SCLT1: variants seen among roughly 807,000 people sequenced by gnomAD.
SCLT1 encodes the protein sodium channel-associated protein 1.
Under a neutral mutation model 112.8 loss-of-function variants are expected in SCLT1, and 78 were observed. That is an observed-to-expected ratio of 0.69 (90% CI 0.58 to 0.83). SCLT1 has a LOEUF of 0.83. Among genes scored for constraint, SCLT1 ranks in the 40% least tolerant of loss-of-function variants. SCLT1 has a pLI of 0.00. For missense variants in SCLT1, 747 were observed against 770.4 expected, an observed-to-expected ratio of 0.97 and a Z score of 0.36; for synonymous variants, 257 against 254.7, an observed-to-expected ratio of 1.01 and a Z score of -0.09.
intron 18 of SCLT1, among the ~76,000 whole-genome samples, chr4:128,921,741 G>A (rs1444063020): frequency 6.6e-6 from 1 of 152,136 alleles, no homozygotes; most frequent in Non-Finnish European, 1.5e-5. Flanking sequence ...CCCTGGCAAA[G>A]ATTTTATGAT....
rs1347455602 is a variant in SCLT1, at chr4:128,998,284, T to C, written c.550-345A>G. ...TAAATGCTAGAGAGACCTTGTCCAATATTGGAACGTCACTTTCAAACCTAC... is the reference window on the plus strand; with the variant it reads ...TAAATGCTAGAGAGACCTTGTCCAACATTGGAACGTCACTTTCAAACCTAC... On this transcript the variant is annotated intron_variant, in intron 7 of 20. Coordinates refer to ENST00000281142, the MANE Select transcript of SCLT1 (RefSeq NM_144643.4). 4.0e-5 allele frequency among the ~76,000 whole-genome samples: 6 copies of C among 151,840 alleles called. No individual in the cohort carries two copies. In the East Asian group the frequency reaches 7.7e-4, roughly 19 times the overall value.
intron 4 of SCLT1, chr4:129,040,180 G>A (rs1747577614): frequency 5.7e-6 from 4 of 702,502 alleles, no homozygotes; most frequent in Non-Finnish European, 7.8e-6. Flanking sequence ...AATTTGGTTT[G>A]AAAGGTGAAC....
At chr4:129,053,983 T>C (rs1239597198) in intron 2 of SCLT1, among the ~76,000 whole-genome samples, 1 of 152,170 alleles carries the variant, frequency 6.6e-6, no homozygotes, top group Non-Finnish European at 1.5e-5. Context: ...TCCTTGTCTG[T>C]AACGGGTTTT....
At chr4:128,891,218 T>C in intron 18 of SCLT1, 81 bp from the exon 19 acceptor site, 1 of 1,022,570 alleles carries the variant, frequency 9.8e-7, no homozygotes, top group Non-Finnish European at 1.5e-6. Flanking sequence ...TACATGTTCA[T>C]GATTTGAACA....
At chr4:129,048,321 A>G (rs564491936) in intron 2 of SCLT1, among the ~76,000 whole-genome samples, 14 of 152,068 alleles carry the variant, frequency 9.2e-5, no homozygotes, top group Middle Eastern at 3.4e-3. Context: ...CAGAAATAAC[A>G]CCACATATCT....
chr4:128,996,937 A>C (rs965069525), intron 8 of SCLT1, among the ~76,000 whole-genome samples: 1 of 152,040 alleles, frequency 6.6e-6, no homozygotes, highest in African/African-American at 2.4e-5. Flanking sequence ...TTGAAGAAGT[A>C]ATGAATAATT....
At chr4:128,883,561 T>C (rs576463137), downstream of SCLT1, among the ~76,000 whole-genome samples, 2 of 152,042 alleles carry the variant, frequency 1.3e-5, no homozygotes, top group Non-Finnish European at 2.9e-5. Flanking sequence ...ATGATAATAA[T>C]AATAAAAAAA....
At chr4:129,038,934 G>T (rs894995724) in intron 5 of SCLT1, 107 bp downstream of exon 5, 3 of 730,970 alleles carry the variant, frequency 4.1e-6, no homozygotes, top group Admixed American at 2.4e-5. Flanking sequence ...CAGCCCCGGG[G>T]TCCACATTCT....
At chr4:128,961,841 G>A (rs190791349) in intron 11 of SCLT1, among the ~76,000 whole-genome samples, 136 of 152,330 alleles carry the variant, frequency 8.9e-4, no homozygotes, top group African/African-American at 3.2e-3. Flanking sequence ...TCATATGAGG[G>A]CAGAGTTATG....
chr4:128,921,257 T>A (rs970254772), intron 18 of SCLT1, among the ~76,000 whole-genome samples: 1 of 152,164 alleles, frequency 6.6e-6, no homozygotes, highest in Non-Finnish European at 1.5e-5. Flanking sequence ...GTGCTATTCC[T>A]ATCAAACTAC....
At chr4:128,937,182 G>C (rs781572363) in intron 17 of SCLT1, among the ~76,000 whole-genome samples, 1 of 151,918 alleles carries the variant, frequency 6.6e-6, no homozygotes, top group Non-Finnish European at 1.5e-5. Flanking sequence ...GGAGGCCGAG[G>C]CAGGTGAATC....
At chr4:128,907,631 A>G (rs2125942364) in intron 18 of SCLT1, among the ~76,000 whole-genome samples, 1 of 152,296 alleles carries the variant, frequency 6.6e-6, no homozygotes, top group South Asian at 2.1e-4. Flanking sequence ...CTCAGTAGAG[A>G]GTTGGAAATA....
Position 128,957,069 on chromosome 4 carries a change from A to G in SCLT1, c.1103T>C (p.Val368Ala), listed in dbSNP as rs1739279330. ...GGTAGCATCTTGTACAAACCGAGAA[A>G]CTGTCTCTTTCATTTTCTCTATGTC... ...EEDIEKMKET[V>A]SRFVQDATIR... Residue 368 changes from valine to alanine, a missense_variant, in exon 13 of 21, where the codon GTT becomes GCT. By Grantham distance (64) the Val-to-Ala change is moderately conservative. This residue lies in a region of SCLT1 where 723 missense variants were observed against 721.3 expected (regional missense o/e 1.00). Transcript: ENST00000281142. 1 of 1,602,418 alleles carries G rather than the reference A, an allele frequency of 6.2e-7. No homozygotes were observed. Among genetic ancestry groups the G allele is most frequent in the East Asian group, 2.3e-5 (1 of 44,408 alleles).
Position 128,987,171 on chromosome 4 carries a change from C to T in SCLT1, c.686+4996G>A, listed in dbSNP as rs73847341. 3.8e-3 allele frequency among the ~76,000 whole-genome samples: 573 copies of T among 152,214 alleles called. 1 individual carries two copies. Among genetic ancestry groups the T allele is most frequent in the African/African-American group, 0.011 (475 of 41,542 alleles). On this transcript the variant is annotated intron_variant, in intron 9 of 20. Coordinates refer to ENST00000281142, the MANE Select transcript of SCLT1 (RefSeq NM_144643.4). ...CTGAAATGGCTGCAATAATTGCAGG[C>T]TTAGGCCAAAACACTCAATCTCTTT...
At chr4:129,040,086 T>G (rs562534450) in intron 4 of SCLT1, 66 of 677,024 alleles carry the variant, frequency 9.7e-5, no homozygotes, top group African/African-American at 8.6e-4. Flanking sequence ...AACAGGCAGT[T>G]CTGCCAGCCT....
At chr4:128,948,070 ACT>A (rs1015819379) in intron 15 of SCLT1, among the ~76,000 whole-genome samples, 3 of 151,994 alleles carry the variant, frequency 2.0e-5, no homozygotes, top group African/African-American at 7.3e-5. Context: ...TTAACTGTAG[ACT>A]CTGAATATAT....
At chr4:129,085,002 A>C (rs758588866) in intron 1 of SCLT1, among the ~76,000 whole-genome samples, 1 of 152,216 alleles carries the variant, frequency 6.6e-6, no homozygotes, top group Non-Finnish European at 1.5e-5. Context: ...AATTGCAACA[A>C]AAGCAAAAAT....
intron 5 of SCLT1, among the ~76,000 whole-genome samples, chr4:129,038,585 G>C (rs570298745): frequency 7.2e-5 from 11 of 152,142 alleles, no homozygotes; most frequent in Admixed American, 5.9e-4. Context: ...CAGAGAGAAA[G>C]AGAAGGATGG....
chr4:128,942,981 T>C lies in SCLT1; in HGVS notation c.1632+15A>G, dbSNP rs1251458382. On this transcript the variant is annotated intron_variant, in intron 17 of 20. Coordinates refer to ENST00000281142, the MANE Select transcript of SCLT1 (RefSeq NM_144643.4). ...ATTTTCATAAGTACACATTTAACTC[T>C]AGTCTTGAAAATACCTTTACTTTGG... The C allele has an allele frequency of 1.9e-6, 3 of 1,571,440 alleles. No individual in the cohort carries two copies. The African/African-American group carries it at 4.1e-5, about 21-fold the overall frequency.
Sources: allele counts gnomAD v4.1 joint callset (sites outside exome capture counted in the v4.1 genomes callset), GRCh38; gene constraint gnomAD v4.1.1; regional missense constraint gnomAD v4.1.1; transcripts MANE v1.5; gene names NCBI Gene and HGNC (gene_info 2026-07-23, HGNC 2026-07-21).